The following SLC25A15 variants were observed in gnomAD, a reference collection of about 807,000 sequenced individuals.
SLC25A15 encodes the protein mitochondrial ornithine transporter 1.
Under a neutral mutation model 32.3 loss-of-function variants are expected in SLC25A15, and 24 were observed. The ratio of observed to expected loss-of-function variants is 0.74; its 90% CI spans 0.54 to 1.04. The LOEUF is 1.04. SLC25A15 is among the 50% of genes least tolerant of loss of function. The pLI, the probability that SLC25A15 is intolerant of heterozygous loss-of-function variation, is 0.00. For synonymous variants in SLC25A15, 132 were observed against 142.1 expected (o/e 0.93, Z 0.51); for missense variants, 317 against 374.5 (o/e 0.85, Z 1.27).
intron 4 of SLC25A15, among the ~76,000 whole-genome samples, chr13:40,805,779 T>C (rs573477968): frequency 9.8e-5 from 15 of 152,360 alleles, no homozygotes; most frequent in Admixed American, 9.1e-4. Flanking sequence ...TCAATACTTT[T>C]ATAAGCATAG....
Position 40,807,374 on chromosome 13 carries a change from T to G in SLC25A15, c.533T>G (p.Leu178Arg). 1 of 1,614,178 alleles carries G rather than the reference T, an allele frequency of 6.2e-7. No homozygotes were observed. ...GFYHGLSSTLLREVPGYFFFF... is the reference protein window; with the variant it reads ...GFYHGLSSTLRREVPGYFFFF... ...TACCATGGACTCTCAAGCACTTTAC[T>G]TCGAGAAGTACCAGGCTATTTCTTC... Residue 178 changes from leucine to arginine, a missense_variant, in exon 5 of 7, where the codon CTT becomes CGT. Physicochemically the swap from Leu to Arg is moderately radical, Grantham distance 102 (BLOSUM62 -2). Coordinates refer to ENST00000338625, the MANE Select transcript of SLC25A15 (RefSeq NM_014252.4).
intron 2 of SLC25A15, among the ~76,000 whole-genome samples, chr13:40,797,819 T>C (rs1409095309): frequency 6.6e-6 from 1 of 152,214 alleles, no homozygotes; most frequent in African/African-American, 2.4e-5. Context: ...ATATTTTCTG[T>C]AAGCCTTCTT....
At position 40,812,024 on chromosome 13, in the gene SLC25A15, A is replaced by G. The variant is rs1193904404; in HGVS notation, c.*2357A>G. Among the ~76,000 whole-genome samples the G allele has an allele frequency of 6.6e-6, 1 of 152,172 alleles. No individual in the cohort carries two copies. The highest frequency in any genetic ancestry group is 1.5e-5 in the Non-Finnish European group (1 of 68,026). Reference sequence around the variant, plus strand: ...TTCCATTTGCTTTTTCTTTAAGTGAAAACCATTTTTCTACTTTGCTTTTCT... The same window carrying G: ...TTCCATTTGCTTTTTCTTTAAGTGAGAACCATTTTTCTACTTTGCTTTTCT... On this transcript the variant is annotated 3_prime_UTR_variant, in exon 7 of 7. Coordinates refer to ENST00000338625, the MANE Select transcript of SLC25A15 (RefSeq NM_014252.4).
chr13:40,801,229 C>CAA (rs1246800749), intron 3 of SLC25A15, among the ~76,000 whole-genome samples: 26 of 83,752 alleles, frequency 3.1e-4, no homozygotes, highest in African/African-American at 5.3e-4. Flanking sequence ...CTGTGTCTCT[C>CAA]AAAAAAAAAA....
At chr13:40,804,447 G>A (rs1882058472) in intron 3 of SLC25A15, among the ~76,000 whole-genome samples, 1 of 152,148 alleles carries the variant, frequency 6.6e-6, no homozygotes, top group Non-Finnish European at 1.5e-5. Context: ...ATCTCTAAGT[G>A]TCACTTCCCA....
chr13:40,805,208 G>A lies in SLC25A15; in HGVS notation c.405G>A (p.Gln135=). 4 of 1,614,206 alleles carry A rather than the reference G, an allele frequency of 2.5e-6. No individual in the cohort carries two copies. Among genetic ancestry groups the A allele is most frequent in the Non-Finnish European group, 3.4e-6 (4 of 1,180,040 alleles). Residue 135 remains glutamine (Q), a synonymous_variant, in exon 4 of 7, where the codon CAG becomes CAA. Coordinates refer to ENST00000338625, the MANE Select transcript of SLC25A15 (RefSeq NM_014252.4). ...CPTELVKCRL[Q]TMYEMETSGK... ...CGGAGCTCGTGAAGTGCCGGCTGCA[G>A]ACCATGTATGAGATGGAGACATCAG...
rs138184184 is a variant in SLC25A15 at position 40,793,308 on chromosome 13, T to C, written c.55+27T>C. The C allele has an allele frequency of 2.5e-6, 4 of 1,594,912 alleles. No homozygotes were observed. In the East Asian group the frequency reaches 8.9e-5, roughly 36 times the overall value. ...TACAGTCATGTGCCTCATCACCATG[T>C]TTCTGTCGTTGATGGATGGTGTATC... is the stretch of plus-strand genomic sequence containing the variant. On this transcript the variant is annotated intron_variant, in intron 2 of 6. Transcript: ENST00000338625.
chr13:40,804,885 T>C (rs1207265058), intron 3 of SLC25A15, among the ~76,000 whole-genome samples: 6 of 152,030 alleles, frequency 3.9e-5, no homozygotes, highest in Non-Finnish European at 8.8e-5. Context: ...GGTCTCTCTT[T>C]GTTTCCCAAG....
intron 3 of SLC25A15, among the ~76,000 whole-genome samples, chr13:40,804,006 C>T (rs117503666): frequency 2.6e-5 from 4 of 152,156 alleles, no homozygotes; most frequent in Admixed American, 6.5e-5. Context: ...TGTCATGTCA[C>T]GATGTATCTT....
At chr13:40,792,061 T>C (rs773944396) in intron 1 of SLC25A15, among the ~76,000 whole-genome samples, 3 of 152,244 alleles carry the variant, frequency 2.0e-5, no homozygotes, top group East Asian at 1.9e-4. Context: ...GTTTGAAAAC[T>C]GTACAGGATT....
intron 2 of SLC25A15, among the ~76,000 whole-genome samples, chr13:40,794,909 A>G (rs1881621204): frequency 6.6e-6 from 1 of 152,192 alleles, no homozygotes; most frequent in Admixed American, 6.5e-5. Flanking sequence ...CCATGAGCCA[A>G]AGGTCAGCCA....
chr13:40,808,727 A>C (rs1471596253), intron 6 of SLC25A15, 131 bp downstream of exon 6: 4 of 689,404 alleles, frequency 5.8e-6, no homozygotes, highest in Non-Finnish European at 9.8e-6. Flanking sequence ...AGGTCAGGAG[A>C]TCGAGACCAT....
chr13:40,799,577 T>A (rs540233556), intron 3 of SLC25A15, among the ~76,000 whole-genome samples: 6 of 152,364 alleles, frequency 3.9e-5, no homozygotes, highest in Middle Eastern at 3.4e-3. Context: ...TTTTTAAAAA[T>A]AACTGCTTTC....
At chr13:40,789,949 A>C (rs1881421891) in intron 1 of SLC25A15, among the ~76,000 whole-genome samples, 1 of 152,198 alleles carries the variant, frequency 6.6e-6, no homozygotes, top group Non-Finnish European at 1.5e-5. Flanking sequence ...AGTGCTGGGC[A>C]GCATGGAGCC....
chr13:40,799,364 A>C lies in SLC25A15; in HGVS notation c.314+49A>C, dbSNP rs375274812. 5.2e-5 allele frequency: 84 copies of C among 1,612,622 alleles called. No homozygotes were observed. The South Asian group carries it at 5.4e-4, about 10-fold the overall frequency. On this transcript the variant is annotated intron_variant, in intron 3 of 6. Coordinates refer to ENST00000338625, the MANE Select transcript of SLC25A15 (RefSeq NM_014252.4). ...TTTATTTGTTTAAAAAAACCCCACA[A>C]AACTGGCAAGACATGGTGGCTCATG... is the stretch of plus-strand genomic sequence containing the variant.
chr13:40,799,173 G>A lies in SLC25A15; in HGVS notation c.172G>A (p.Val58Met), dbSNP rs1310621949. ...CTGCTGCCTGAAGACTTACTCCCAGGTGGGCTTCCGTGGCTTCTACAAGGG... is the reference window on the plus strand; with the variant it reads ...CTGCTGCCTGAAGACTTACTCCCAGATGGGCTTCCGTGGCTTCTACAAGGG... ...TDCCLKTYSQVGFRGFYKGTS... is the reference protein window; with the variant it reads ...TDCCLKTYSQMGFRGFYKGTS... Residue 58 changes from valine to methionine, a missense_variant, in exon 3 of 7, where the codon GTG becomes ATG. Val to Met is a conservative substitution (Grantham distance 21, BLOSUM62 1). Transcript: ENST00000338625. The A allele has an allele frequency of 2.5e-6, 4 of 1,614,082 alleles. No homozygotes were observed. The African/African-American group carries it at 5.3e-5, about 22-fold the overall frequency.
At chr13:40,798,218 T>C (rs1281111144) in intron 2 of SLC25A15, among the ~76,000 whole-genome samples, 1 of 150,114 alleles carries the variant, frequency 6.7e-6, no homozygotes. Flanking sequence ...AGGTGGAGTT[T>C]GCAGTGAGCT....
intron 3 of SLC25A15, among the ~76,000 whole-genome samples, chr13:40,799,620 A>G (rs1203318035): frequency 1.3e-5 from 2 of 152,248 alleles, no homozygotes; most frequent in Non-Finnish European, 2.9e-5. Context: ...TTGTCATCAT[A>G]TAAAACTTAG....
At chr13:40,791,333 A>ATTTT (rs374362473) in intron 1 of SLC25A15, among the ~76,000 whole-genome samples, 2 of 132,550 alleles carry the variant, frequency 1.5e-5, no homozygotes, top group East Asian at 4.2e-4. Flanking sequence ...TTATTTATTT[A>ATTTT]TTTTATTTTT....
Sources: gnomAD v4.1 joint callset for allele counts (sites outside exome capture counted in the v4.1 genomes callset) on GRCh38, gnomAD v4.1.1 for gene constraint, MANE v1.5 for transcripts, NCBI Gene and HGNC (gene_info 2026-07-23, HGNC 2026-07-21) for gene names.